AUTS2: variants seen among roughly 807,000 people sequenced by gnomAD.
AUTS2 encodes autism susceptibility gene 2 protein.
In AUTS2, 17 loss-of-function variants were observed where a neutral mutation model predicts 112.4. That is an observed-to-expected ratio of 0.15 (90% confidence interval 0.10 to 0.23). The LOEUF (loss-of-function observed/expected upper bound fraction) is 0.23, where lower values mean the gene tolerates loss of function less well. Among genes scored for constraint, AUTS2 ranks in the 10% least tolerant of loss-of-function variants. The pLI is 1.00. For synonymous variants in AUTS2, 751 were observed against 702.7 expected, an observed-to-expected ratio of 1.07 and a Z score of -1.09; for missense variants, 1,510 against 1,701.6, an observed-to-expected ratio of 0.89 and a Z score of 1.98.
rs1452527289 is a variant in AUTS2 at position 70,075,426 on chromosome 7, A to T, written c.523-42706A>T. 3.3e-5 allele frequency among the ~76,000 whole-genome samples: 5 copies of T among 152,138 alleles called. No individual in the cohort carries two copies. In the East Asian group the frequency reaches 9.7e-4, roughly 29 times the overall value. ...ACCTGCTGTTGATGCCCCTAAAGGCACTCAATATTGAGTGTGCTTTATAAA... is the reference window on the plus strand; with the variant it reads ...ACCTGCTGTTGATGCCCCTAAAGGCTCTCAATATTGAGTGTGCTTTATAAA... On this transcript the variant is annotated intron_variant, in intron 2 of 18. Transcript: ENST00000342771.
intron 1 of AUTS2, among the ~76,000 whole-genome samples, chr7:69,659,938 C>A (rs1795720188): frequency 6.6e-6 from 1 of 152,124 alleles, no homozygotes; most frequent in South Asian, 2.1e-4. Context: ...TAGTTGTTAA[C>A]CCTTTTGATC....
intron 6 of AUTS2, among the ~76,000 whole-genome samples, chr7:70,756,313 A>G (rs1789198142): frequency 6.6e-6 from 1 of 152,090 alleles, no homozygotes; most frequent in Non-Finnish European, 1.5e-5. Flanking sequence ...TACATGGCCT[A>G]ATTTATTTCC....
At chr7:70,583,777 A>C (rs1802564896) in intron 5 of AUTS2, among the ~76,000 whole-genome samples, 1 of 152,208 alleles carries the variant, frequency 6.6e-6, no homozygotes, top group Non-Finnish European at 1.5e-5. Flanking sequence ...TTGTGGAAGA[A>C]AGCAAAAAAA....
intron 5 of AUTS2, among the ~76,000 whole-genome samples, chr7:70,616,734 C>A (rs928839864): frequency 2.0e-5 from 3 of 146,624 alleles, no homozygotes; most frequent in African/African-American, 5.0e-5. Flanking sequence ...AAATTCTTCT[C>A]AAAATAGAGT....
chr7:69,608,398 G>A (rs1792848248), intron 1 of AUTS2, among the ~76,000 whole-genome samples: 1 of 152,152 alleles, frequency 6.6e-6, no homozygotes. Flanking sequence ...TTTTTGTAAA[G>A]TTTCTGATGG....
intron 4 of AUTS2, among the ~76,000 whole-genome samples, chr7:70,267,574 A>G (rs1787493973): frequency 2.0e-5 from 3 of 152,178 alleles, no homozygotes; most frequent in East Asian, 3.9e-4. Flanking sequence ...AGACAGCTCC[A>G]TGGCCTGAAT....
At chr7:69,678,760 A>C (rs1029199139) in intron 1 of AUTS2, among the ~76,000 whole-genome samples, 4 of 152,272 alleles carry the variant, frequency 2.6e-5, no homozygotes, top group African/African-American at 9.6e-5. Context: ...GGCGTGAGCC[A>C]TTCATGGAGA....
intron 5 of AUTS2, among the ~76,000 whole-genome samples, chr7:70,567,981 T>C (rs1050952657): frequency 1.3e-5 from 2 of 152,234 alleles, no homozygotes; most frequent in Admixed American, 6.5e-5. Context: ...TCACACACTT[T>C]AGTACCTCTC....
intron 2 of AUTS2, among the ~76,000 whole-genome samples, chr7:69,954,858 G>T (rs1797156415): frequency 2.0e-5 from 3 of 152,138 alleles, no homozygotes; most frequent in Non-Finnish European, 4.4e-5. Context: ...TTTCATGTTT[G>T]GTGTCTAATA....
At chr7:70,443,274 G>A (rs529966925) in intron 5 of AUTS2, among the ~76,000 whole-genome samples, 16 of 152,254 alleles carry the variant, frequency 1.1e-4, no homozygotes, top group Non-Finnish European at 1.9e-4. Flanking sequence ...TCTATTGCTC[G>A]CAATAGGTGG....
In AUTS2 at chr7:70,785,142, A is replaced by T. The variant is rs561398631; in HGVS notation, c.2224+123A>T. 378 of 907,270 alleles carry T rather than the reference A, an allele frequency of 4.2e-4. 3 individuals are homozygous for T. The Middle Eastern group carries it at 5.2e-3, about 12-fold the overall frequency. The allele number at this position is 907,270 out of a possible 1,614,324, so 56.2% of individuals were successfully genotyped here. A position where few individuals can be genotyped will look rare whatever the true frequency, so the allele number is the denominator to read the frequency against. On this transcript the variant is annotated intron_variant, in intron 16 of 18. Coordinates refer to ENST00000342771, the MANE Select transcript of AUTS2 (RefSeq NM_015570.4). Reference sequence around the variant, plus strand: ...GTCCCAGATACCCTGCTTACCATTTAGGCAGGAGATGGTGCTCTCTTAGGA... The same window carrying T: ...GTCCCAGATACCCTGCTTACCATTTTGGCAGGAGATGGTGCTCTCTTAGGA...
intron 4 of AUTS2, among the ~76,000 whole-genome samples, chr7:70,311,325 T>C (rs1241818082): frequency 1.3e-5 from 2 of 152,216 alleles, no homozygotes; most frequent in Non-Finnish European, 2.9e-5. Context: ...GTCATGACAG[T>C]TTTGCCATTA....
chr7:70,768,971 GT>G (rs1355137500), intron 10 of AUTS2, among the ~76,000 whole-genome samples: 1 of 148,980 alleles, frequency 6.7e-6, no homozygotes, highest in Non-Finnish European at 1.5e-5. Context: ...TCTTGCTTAG[GT>G]TTGTAGATAG....
intron 4 of AUTS2, among the ~76,000 whole-genome samples, chr7:70,213,488 A>T (rs1019756621): frequency 4.6e-5 from 7 of 150,880 alleles, no homozygotes; most frequent in Non-Finnish European, 7.4e-5. Context: ...GGAAGCTATG[A>T]TCCTATCACT....
intron 2 of AUTS2, among the ~76,000 whole-genome samples, chr7:69,942,435 GT>G (rs1422725153): frequency 6.6e-6 from 1 of 152,206 alleles, no homozygotes; most frequent in East Asian, 1.9e-4. Flanking sequence ...CCTCAGAGAA[GT>G]TTTTGGGCTA....
intron 1 of AUTS2, among the ~76,000 whole-genome samples, chr7:69,847,306 A>G (rs1281377981): frequency 6.6e-6 from 1 of 152,208 alleles, no homozygotes; most frequent in Non-Finnish European, 1.5e-5. Flanking sequence ...GAGAGAGGAA[A>G]AAGACCTAGC....
intron 5 of AUTS2, among the ~76,000 whole-genome samples, chr7:70,468,976 G>T (rs2115818160): frequency 6.6e-6 from 1 of 152,342 alleles, no homozygotes; most frequent in Non-Finnish European, 1.5e-5. Flanking sequence ...TTCGTCACGG[G>T]ACTCTGCCCT....
intron 4 of AUTS2, among the ~76,000 whole-genome samples, chr7:70,261,167 T>C (rs193242613): frequency 3.3e-5 from 5 of 152,200 alleles, no homozygotes; most frequent in Admixed American, 6.5e-5. Context: ...CAAACTGATA[T>C]TCCTAACAAC....
At chr7:70,657,572 AG>A (rs1216687646) in intron 5 of AUTS2, among the ~76,000 whole-genome samples, 13 of 152,344 alleles carry the variant, frequency 8.5e-5, no homozygotes, top group African/African-American at 2.9e-4. Context: ...CATCAAAGCT[AG>A]ATGTGAGTTG....
Sources: gnomAD v4.1 joint callset for allele counts (sites outside exome capture counted in the v4.1 genomes callset) on GRCh38, gnomAD v4.1.1 for gene constraint, MANE v1.5 for transcripts, NCBI Gene and HGNC (gene_info 2026-07-23, HGNC 2026-07-21) for gene names.